Variants in CINP observed in about 807,000 individuals in gnomAD.
CINP encodes cyclin dependent kinase 2 interacting protein.
In CINP, 11 loss-of-function variants were observed where a neutral mutation model predicts 20.5. The ratio of observed to expected loss-of-function variants is 0.54; its 90% CI spans 0.34 to 0.89. The LOEUF (loss-of-function observed/expected upper bound fraction) is 0.89. Ranked by LOEUF, CINP falls within the 40% of genes least tolerant of loss-of-function variation. The pLI, the probability that CINP is intolerant of heterozygous loss-of-function variation, is 0.02. For synonymous variants in CINP, 108 were observed against 102.1 expected, an observed-to-expected ratio of 1.06 and a Z score of -0.35; for missense variants, 213 against 251.0, an observed-to-expected ratio of 0.85 and a Z score of 1.02.
chr14:102,352,340 C>T (rs1378071138), intron 3 of CINP: 9 of 324,382 alleles, frequency 2.8e-5, no homozygotes, highest in South Asian at 4.8e-5. Flanking sequence ...AATCCTGCAG[C>T]TCAGCCATCA....
In CINP at chr14:102,348,411, G is replaced by A. The variant is rs1202918887; in HGVS notation, c.*146C>T. On this transcript the variant is annotated 3_prime_UTR_variant, in exon 5 of 5. Coordinates refer to ENST00000216756, the MANE Select transcript of CINP (RefSeq NM_032630.3). ...TTGTGGGCATGAGCACGCCTGGAGA[G>A]GCCATGGGGCTGGTGACAAGCTCTG... 8 of 715,522 alleles carry A rather than the reference G, an allele frequency of 1.1e-5. No individual in the cohort carries two copies. The highest frequency in any genetic ancestry group is 1.8e-5 in the African/African-American group (1 of 55,954). The allele number at this position is 715,522 out of a possible 1,614,324, so 44.3% of individuals were successfully genotyped here. A position where few individuals can be genotyped will look rare whatever the true frequency, so the allele number is the denominator to read the frequency against.
chr14:102,358,662 T>C (rs983785956), intron 2 of CINP, among the ~76,000 whole-genome samples: 3 of 151,604 alleles, frequency 2.0e-5, no homozygotes, highest in African/African-American at 4.9e-5. Context: ...GCCTGGGGGA[T>C]AGAGTGAGAC....
Position 102,349,910 on chromosome 14 carries a change from A to C in CINP, c.436+9T>G. The C allele has an allele frequency of 6.2e-7, 1 of 1,613,730 alleles. No homozygotes were observed. On this transcript the variant is annotated intron_variant, in intron 4 of 4. Transcript: ENST00000216756. ...CCTCCTGAAAATCAACTGAGAAGGA[A>C]CTACTTACAGAAATGGGTTGTAGGC...
chr14:102,350,563 A>G (rs1886843606), intron 3 of CINP, among the ~76,000 whole-genome samples: 1 of 151,974 alleles, frequency 6.6e-6, no homozygotes, highest in South Asian at 2.1e-4. Flanking sequence ...TATGTTGCCC[A>G]GGCTGGTCTC....
At position 102,351,271 on chromosome 14, in the gene CINP, A is replaced by C. The variant is rs576694538; in HGVS notation, c.307-1223T>G. 3.6e-4 allele frequency among the ~76,000 whole-genome samples: 55 copies of C among 152,314 alleles called. No homozygotes were observed. The highest frequency in any genetic ancestry group is 5.9e-4 in the Admixed American group (9 of 15,298). ...TGCCATTGACGGTCCCTCAGTGTGG[A>C]CCAGGCTCTGTCCTAAGCCCTGTAA... On this transcript the variant is annotated intron_variant, in intron 3 of 4. Transcript: ENST00000216756. The surrounding 1 kb of genome is among the most constrained non-coding windows in gnomAD (Gnocchi z 4.2).
intron 2 of CINP, 140 bp from the exon 3 acceptor site, chr14:102,356,037 G>T (rs780264140): frequency 2.0e-5 from 17 of 849,852 alleles, no homozygotes; most frequent in Non-Finnish European, 3.0e-5. Context: ...ATATCATTAT[G>T]ATACAAATGC....
At chr14:102,361,782 T>C (rs187499353) in intron 1 of CINP, among the ~76,000 whole-genome samples, 3 of 152,378 alleles carry the variant, frequency 2.0e-5, no homozygotes, top group Admixed American at 2.0e-4. Flanking sequence ...ACCAACCTAA[T>C]ACAATGGGGA....
intron 2 of CINP, among the ~76,000 whole-genome samples, 192 bp downstream of exon 2, chr14:102,359,227 A>ATATATATATAT (rs1887072544): frequency 8.7e-5 from 10 of 115,418 alleles, no homozygotes; most frequent in South Asian, 2.8e-4. Flanking sequence ...TAAATAACTA[A>ATATATATATAT]ATATATATAT....
intron 4 of CINP, 40 bp downstream of exon 4, chr14:102,349,879 C>G: frequency 6.2e-7 from 1 of 1,611,822 alleles, no homozygotes; most frequent in African/African-American, 1.3e-5. Flanking sequence ...CCTTAATAAC[C>G]TTTACCCTCC....
At chr14:102,362,658 G>A (rs1443786339) in intron 1 of CINP, 187 bp downstream of exon 1, 1 of 771,504 alleles carries the variant, frequency 1.3e-6, no homozygotes, top group South Asian at 1.5e-5. Flanking sequence ...ACGGAGGCTC[G>A]GCAAAACTGT....
rs966316688 is a variant in CINP at position 102,351,743 on chromosome 14, A to G, written c.307-1695T>C. Among the ~76,000 whole-genome samples, 1 of 152,130 alleles carries G rather than the reference A, an allele frequency of 6.6e-6. No individual in the cohort carries two copies. Among genetic ancestry groups the G allele is most frequent in the Admixed American group, 6.5e-5 (1 of 15,270 alleles). On this transcript the variant is annotated intron_variant, in intron 3 of 4. Transcript: ENST00000216756. This position sits in a 1 kb window ranked among gnomAD's most constrained non-coding sequence, Gnocchi z 4.2. The stretch of plus-strand genomic sequence containing the variant: ...AGTTTCCCAAATCTTTTAAGGTTTG[A>G]TATTTTATTTGGCCCAACCCCAAGA...
chr14:102,355,691 A>G (rs1413592939), intron 3 of CINP, 77 bp downstream of exon 3: 21 of 1,543,070 alleles, frequency 1.4e-5, no homozygotes, highest in East Asian at 4.5e-5. Context: ...GTGATGGCCA[A>G]TGGTCAAGCA....
intron 1 of CINP, chr14:102,362,598 A>G: frequency 1.4e-6 from 1 of 708,084 alleles, no homozygotes; most frequent in South Asian, 1.5e-5. Flanking sequence ...ATCTGCTGAC[A>G]CTCATTTGCG....
chr14:102,360,640 G>C (rs551268617), intron 1 of CINP, among the ~76,000 whole-genome samples: 24 of 152,262 alleles, frequency 1.6e-4, no homozygotes, highest in African/African-American at 5.8e-4. Context: ...TATTTCATAG[G>C]ATTGCTGAGA....
At chr14:102,354,048 T>A (rs1175890623) in intron 3 of CINP, among the ~76,000 whole-genome samples, 3 of 152,206 alleles carry the variant, frequency 2.0e-5, no homozygotes, top group Non-Finnish European at 4.4e-5. Context: ...GTGATCATAC[T>A]ACTGCATTCC....
intron 2 of CINP, among the ~76,000 whole-genome samples, chr14:102,358,986 C>T (rs1415506610): frequency 2.0e-5 from 3 of 151,838 alleles, no homozygotes; most frequent in Non-Finnish European, 2.9e-5. Context: ...AGGTGGATCA[C>T]GTAAGGTCAG....
At chr14:102,349,125 G>A (rs552466770) in intron 4 of CINP, among the ~76,000 whole-genome samples, 12 of 152,258 alleles carry the variant, frequency 7.9e-5, no homozygotes, top group African/African-American at 2.2e-4. Context: ...GTGGTGGCAC[G>A]CACCTGTAAT....
chr14:102,350,188 T>A, intron 3 of CINP, 140 bp from the exon 4 acceptor site: 1 of 679,732 alleles, frequency 1.5e-6, no homozygotes, highest in Non-Finnish European at 2.4e-6. Flanking sequence ...TAACTCTACG[T>A]ACAGCAAATT....
chr14:102,352,395 A>C (rs193033743), intron 3 of CINP: 233 of 412,002 alleles, frequency 5.7e-4, no homozygotes, highest in African/African-American at 4.2e-3. Flanking sequence ...CTGAATGAAC[A>C]GTGCATAAAC....
Sources: allele counts gnomAD v4.1 joint callset (sites outside exome capture counted in the v4.1 genomes callset), GRCh38; gene constraint gnomAD v4.1.1; non-coding constraint Gnocchi (gnomAD v3.1); transcripts MANE v1.5; gene names NCBI Gene and HGNC (gene_info 2026-07-23, HGNC 2026-07-21).